EML1: variants seen among roughly 807,000 people sequenced by gnomAD.
EML1 encodes the protein EMAP like 1.
In EML1, 27 loss-of-function variants were observed where a neutral mutation model predicts 110.4. That is an observed-to-expected ratio of 0.24 (90% CI 0.18 to 0.34). EML1 has a LOEUF of 0.34. Ranked by LOEUF, EML1 falls within the 10% of genes least tolerant of loss-of-function variation. EML1 has a pLI of 1.00. For synonymous variants in EML1, 344 were observed against 385.8 expected (o/e 0.89, Z 1.27); for missense variants, 741 against 1,030.9 (o/e 0.72, Z 3.85).
intron 16 of EML1, among the ~76,000 whole-genome samples, chr14:99,918,058 C>T (rs1024479260): frequency 6.6e-6 from 1 of 152,176 alleles, no homozygotes; most frequent in Non-Finnish European, 1.5e-5. Context: ...GCCATAGACC[C>T]TCTCTCCTGG....
chr14:99,895,703 T>C (rs1283408605), intron 6 of EML1, among the ~76,000 whole-genome samples: 1 of 150,998 alleles, frequency 6.6e-6, no homozygotes, highest in Admixed American at 6.6e-5. Context: ...AAGTACTGAA[T>C]GAAGGGAGTC....
intron 13 of EML1, among the ~76,000 whole-genome samples, chr14:99,913,758 C>G (rs1012731072): frequency 6.6e-6 from 1 of 152,070 alleles, no homozygotes; most frequent in Non-Finnish European, 1.5e-5. Context: ...GGCGTGATCT[C>G]GGCTCACTGC....
At chr14:99,892,745 G>A (rs1159131668) in intron 5 of EML1, among the ~76,000 whole-genome samples, 1 of 152,178 alleles carries the variant, frequency 6.6e-6, no homozygotes, top group Non-Finnish European at 1.5e-5. Flanking sequence ...TCACATACCT[G>A]TGATAGACTC....
chr14:99,832,159 C>T (rs185750424), intron 1 of EML1, among the ~76,000 whole-genome samples: 1 of 152,252 alleles, frequency 6.6e-6, no homozygotes, highest in African/African-American at 2.4e-5. Flanking sequence ...TGGCTGCTTT[C>T]ACCCAGCACA....
At chr14:99,763,754 T>C (rs554023332) in intron 1 of EML1, among the ~76,000 whole-genome samples, 37 of 152,296 alleles carry the variant, frequency 2.4e-4, no homozygotes, top group African/African-American at 8.2e-4. Context: ...CTCTCTGACC[T>C]CAGCACAGTT....
intron 1 of EML1, among the ~76,000 whole-genome samples, chr14:99,841,818 C>T (rs557442666): frequency 1.9e-4 from 29 of 152,282 alleles, no homozygotes; most frequent in Non-Finnish European, 2.8e-4. Flanking sequence ...CGTGGGAGAT[C>T]GTTCCCCAAT....
At chr14:99,858,201 T>A (rs2058938049) in intron 2 of EML1, among the ~76,000 whole-genome samples, 1 of 150,678 alleles carries the variant, frequency 6.6e-6, no homozygotes, top group Non-Finnish European at 1.5e-5. Flanking sequence ...TTTTTTTTTT[T>A]AGGCAGAGTT....
chr14:99,783,242 T>A (rs2057561701), intron 1 of EML1, among the ~76,000 whole-genome samples: 1 of 149,572 alleles, frequency 6.7e-6, no homozygotes, highest in Non-Finnish European at 1.5e-5. Context: ...ACATGCGGTG[T>A]CTGGTTTTTT....
At position 99,914,280 on chromosome 14, in the gene EML1, A is replaced by C; in HGVS notation, c.1596A>C (p.Ser532=). The part of the protein sequence containing the change: ...TRNFVLQGTL[S]GDFTPITQGH... ...ACTTTGTCCTGCAGGGCACTCTGTC[A>C]GGGGACTTCACACCCATTACTCAGG... Residue 532 remains serine (S), a synonymous_variant, in exon 14 of 22, where the codon TCA becomes TCC. Transcript: ENST00000262233. The C allele has an allele frequency of 1.2e-6, 2 of 1,613,742 alleles. No homozygotes were observed. Among genetic ancestry groups the C allele is most frequent in the Non-Finnish European group, 8.5e-7 (1 of 1,179,690 alleles).
chr14:99,799,896 C>T (rs1566870477), intron 1 of EML1, among the ~76,000 whole-genome samples: 2 of 152,120 alleles, frequency 1.3e-5, no homozygotes, highest in South Asian at 2.1e-4. Context: ...ACATTGAAAA[C>T]GGAACATGAA....
intron 1 of EML1, among the ~76,000 whole-genome samples, chr14:99,787,268 CTT>C (rs34680462): frequency 0.027 from 2,777 of 101,416 alleles, 10 homozygotes; most frequent in Non-Finnish European, 0.037. Flanking sequence ...CTCTGAGATT[CTT>C]TTTTTTTTTT....
intron 2 of EML1, among the ~76,000 whole-genome samples, chr14:99,865,290 T>G (rs1442543854): frequency 6.6e-6 from 1 of 152,098 alleles, no homozygotes; most frequent in African/African-American, 2.4e-5. Context: ...GAGTTTGCAC[T>G]CCTATGAGAA....
chr14:99,863,703 G>A (rs574113705), intron 2 of EML1, among the ~76,000 whole-genome samples: 36 of 152,328 alleles, frequency 2.4e-4, no homozygotes, highest in Non-Finnish European at 5.0e-4. Context: ...CCATTGTATG[G>A]ATGGGTCAGT....
chr14:99,757,264 G>A (rs916260728), intron 1 of EML1, among the ~76,000 whole-genome samples: 3 of 152,046 alleles, frequency 2.0e-5, no homozygotes, highest in Admixed American at 1.3e-4. Context: ...ACTTGAACCC[G>A]GGAGGTGGAG....
At chr14:99,875,649 C>T (rs1382801599) in intron 3 of EML1, among the ~76,000 whole-genome samples, 1 of 152,176 alleles carries the variant, frequency 6.6e-6, no homozygotes, top group East Asian at 1.9e-4. Flanking sequence ...GCTGCAAAAT[C>T]TCCCAGGGCC....
intron 1 of EML1, chr14:99,850,322 T>C (rs919637308): frequency 1.1e-5 from 14 of 1,288,910 alleles, no homozygotes; most frequent in African/African-American, 1.5e-5. Flanking sequence ...AGTTGGAAAT[T>C]ATGATTCTGA....
Position 99,939,116 on chromosome 14 carries a change from C to T in EML1, c.2192-81C>T. 6.4e-7 allele frequency: 1 copy of T among 1,563,268 alleles called. No individual in the cohort carries two copies. Among genetic ancestry groups the T allele is most frequent in the South Asian group, 1.2e-5 (1 of 82,450 alleles). On this transcript the variant is annotated intron_variant, in intron 20 of 21. Coordinates refer to ENST00000262233, the MANE Select transcript of EML1 (RefSeq NM_004434.3). The surrounding 1 kb of genome is among the most constrained non-coding windows in gnomAD (Gnocchi z 4.2). The stretch of plus-strand genomic sequence containing the variant: ...ACTTCAGGCAGTTTCATGTTCAGGA[C>T]CGTTCAGTGGGCGCTTCCTGCGCCA...
At chr14:99,862,413 T>C (rs1290579589) in intron 2 of EML1, among the ~76,000 whole-genome samples, 1 of 152,224 alleles carries the variant, frequency 6.6e-6, no homozygotes, top group African/African-American at 2.4e-5. Context: ...ATGTGCCAGC[T>C]ACATTTAAGG....
At chr14:99,831,408 C>A (rs770999033) in intron 1 of EML1, among the ~76,000 whole-genome samples, 6 of 152,142 alleles carry the variant, frequency 3.9e-5, no homozygotes, top group Non-Finnish European at 7.4e-5. Flanking sequence ...GGTAGAGGTT[C>A]CCCCCATCGT....
Sources: allele counts gnomAD v4.1 joint callset (sites outside exome capture counted in the v4.1 genomes callset), GRCh38; gene constraint gnomAD v4.1.1; non-coding constraint Gnocchi (gnomAD v3.1); transcripts MANE v1.5; gene names NCBI Gene and HGNC (gene_info 2026-07-23, HGNC 2026-07-21).